The following LRP5 variants were observed in gnomAD, a reference collection of about 807,000 sequenced individuals.
LRP5 encodes the protein low-density lipoprotein receptor-related protein 5.
A neutral mutation model predicts 154.1 loss-of-function variants in LRP5; 62 were observed. That is an observed-to-expected ratio of 0.40 (90% CI 0.33 to 0.50). The LOEUF is 0.50. Among genes scored for constraint, LRP5 ranks in the 20% least tolerant of loss-of-function variants. The pLI is 0.55. For synonymous variants in LRP5, 966 were observed against 1,011.5 expected (o/e 0.96, Z 0.85); for missense variants, 1,915 against 2,336.7 (o/e 0.82, Z 3.72).
At chr11:68,448,385 G>C (rs1461614375) in intron 22 of LRP5, among the ~76,000 whole-genome samples, 1 of 152,216 alleles carries the variant, frequency 6.6e-6, no homozygotes, top group Non-Finnish European at 1.5e-5. Flanking sequence ...TGTTTTGTCG[G>C]ACACTGTTTC....
chr11:68,312,820 G>T lies in LRP5; in HGVS notation c.91+15G>T, dbSNP rs2098589440. On this transcript the variant is annotated intron_variant, in intron 1 of 22. Coordinates refer to ENST00000294304, the MANE Select transcript of LRP5 (RefSeq NM_002335.4). ...CCCCGCCGCGGGTAGGTGGGCGCAG[G>T]CCGGCCGGGGGCCGCGGGTTGCTCG... is the stretch of plus-strand genomic sequence containing the variant. The T allele has an allele frequency of 1.9e-6, 2 of 1,035,202 alleles. No individual in the cohort carries two copies. Among genetic ancestry groups the T allele is most frequent in the Middle Eastern group, 4.6e-4 (1 of 2,158 alleles). 64.1% of individuals were successfully genotyped at this position (1,035,202 alleles called of 1,614,324 possible).
upstream of LRP5, among the ~76,000 whole-genome samples, chr11:68,309,363 G>A (rs2098586275): frequency 2.6e-5 from 4 of 152,126 alleles, no homozygotes; most frequent in South Asian, 8.3e-4. Flanking sequence ...CTCCCGAGTA[G>A]CTGGGATTAC....
chr11:68,428,364 A>T (rs1488402018), intron 16 of LRP5, among the ~76,000 whole-genome samples: 1 of 152,130 alleles, frequency 6.6e-6, no homozygotes, highest in African/African-American at 2.4e-5. Context: ...CACAAACTGG[A>T]TGGCTTAAAG....
At chr11:68,383,295 T>C (rs998505615) in intron 5 of LRP5, among the ~76,000 whole-genome samples, 9 of 152,198 alleles carry the variant, frequency 5.9e-5, no homozygotes, top group Admixed American at 2.0e-4. Flanking sequence ...GGGGCCATGA[T>C]GGACACACTG....
chr11:68,299,567 T>C, the LRP5 span, among the ~76,000 whole-genome samples: 1 of 143,714 alleles, frequency 7.0e-6, no homozygotes, highest in South Asian at 2.2e-4. Flanking sequence ...GAGGAAGAGC[T>C]GAAGGGGAAG....
chr11:68,384,472 CTG>C (rs1189503496), intron 5 of LRP5, among the ~76,000 whole-genome samples: 3 of 152,176 alleles, frequency 2.0e-5, no homozygotes, highest in African/African-American at 7.2e-5. Flanking sequence ...CTTCTTGGCT[CTG>C]TGCATCCTTG....
intron 1 of LRP5, among the ~76,000 whole-genome samples, chr11:68,342,717 G>A (rs900537345): frequency 2.6e-5 from 4 of 152,330 alleles, no homozygotes; most frequent in Middle Eastern, 3.4e-3. Context: ...GGGGCCTGCC[G>A]CTCCTGCCCG....
At chr11:68,310,108 G>C (rs2098586853), upstream of LRP5, among the ~76,000 whole-genome samples, 1 of 152,218 alleles carries the variant, frequency 6.6e-6, no homozygotes, top group Non-Finnish European at 1.5e-5. Flanking sequence ...GAGTCAGGTG[G>C]TGATGAGTAC....
chr11:68,375,672 G>A (rs756685222), intron 5 of LRP5, among the ~76,000 whole-genome samples: 32 of 152,212 alleles, frequency 2.1e-4, no homozygotes, highest in Non-Finnish European at 2.6e-4. Context: ...GGGAGAGTTC[G>A]GTAACACCTT....
chr11:68,363,134 C>A (rs916592521), intron 3 of LRP5, among the ~76,000 whole-genome samples: 3 of 152,232 alleles, frequency 2.0e-5, no homozygotes, highest in African/African-American at 7.2e-5. Flanking sequence ...AGCGAGTGCA[C>A]ATGGCCTGAT....
rs149275252 is a variant in LRP5, at chr11:68,436,931, G to A, written c.4043G>A (p.Cys1348Tyr). The change falls in exon 19 of 23, where the codon TGT (cysteine) becomes TAT (tyrosine). Residue 1348 changes from cysteine to tyrosine, a missense_variant. Coordinates refer to ENST00000294304, the MANE Select transcript of LRP5 (RefSeq NM_002335.4). Reference sequence around the variant, plus strand: ...CAGTTCCGGTGTGCGAGCGGCCAGTGTGTCCTCATCAAACAGCAGTGCGAC... The same window carrying A: ...CAGTTCCGGTGTGCGAGCGGCCAGTATGTCCTCATCAAACAGCAGTGCGAC... ...PNQFRCASGQCVLIKQQCDSF... is the reference protein window; with the variant it reads ...PNQFRCASGQYVLIKQQCDSF... 2.5e-6 allele frequency: 4 copies of A among 1,613,972 alleles called. No individual in the cohort carries two copies. The highest frequency in any genetic ancestry group is 3.4e-6 in the Non-Finnish European group (4 of 1,179,982).
chr11:68,384,168 C>T (rs183361199), intron 5 of LRP5, among the ~76,000 whole-genome samples: 6 of 152,290 alleles, frequency 3.9e-5, no homozygotes, highest in Non-Finnish European at 8.8e-5. Context: ...GAGCAGGAGT[C>T]AGGAGGGGCT....
chr11:68,436,202 C>T (rs2098674790), intron 18 of LRP5, among the ~76,000 whole-genome samples: 2 of 152,238 alleles, frequency 1.3e-5, no homozygotes, highest in Non-Finnish European at 2.9e-5. Flanking sequence ...ACCAGAAAAT[C>T]ATCCCATCCA....
chr11:68,390,100 C>A (rs760076766), intron 7 of LRP5, 48 bp downstream of exon 7: 1 of 1,602,950 alleles, frequency 6.2e-7, no homozygotes, highest in Non-Finnish European at 8.5e-7. Flanking sequence ...GGCCCAGCCA[C>A]CCCCTGCAGC....
chr11:68,304,062 T>C, the LRP5 span, among the ~76,000 whole-genome samples: 4 of 152,078 alleles, frequency 2.6e-5, no homozygotes, highest in African/African-American at 9.7e-5. Context: ...ACTGAGACAA[T>C]AGGAAATAGG....
intron 5 of LRP5, among the ~76,000 whole-genome samples, chr11:68,370,902 A>C (rs528351759): frequency 6.6e-6 from 1 of 152,254 alleles, no homozygotes; most frequent in African/African-American, 2.4e-5. Context: ...AAGGGAGGAA[A>C]AAGCTCCTCA....
chr11:68,363,201 C>T (rs1360759417), intron 3 of LRP5, among the ~76,000 whole-genome samples: 1 of 152,236 alleles, frequency 6.6e-6, no homozygotes, highest in East Asian at 1.9e-4. Flanking sequence ...CCAGGCATGG[C>T]TTCCTCCTTT....
chr11:68,446,543 C>A lies in LRP5; in HGVS notation c.4586+10C>A. 1 of 1,606,924 alleles carries A rather than the reference C, an allele frequency of 6.2e-7. No homozygotes were observed. The highest frequency in any genetic ancestry group is 1.3e-5 in the African/African-American group (1 of 74,904). On this transcript the variant is annotated intron_variant, in intron 22 of 22. Coordinates refer to ENST00000294304, the MANE Select transcript of LRP5 (RefSeq NM_002335.4). ...CTGCGAGACCGTACAGGTAGGACAT[C>A]CCCTGCAGCCCTCCATGGCCATTGG...
chr11:68,322,894 A>G (rs535209564), intron 1 of LRP5, among the ~76,000 whole-genome samples: 90 of 152,356 alleles, frequency 5.9e-4, no homozygotes, highest in African/African-American at 2.1e-3. Context: ...GTGTACCCCA[A>G]AGGGACTTGA....
Sources: gnomAD v4.1 joint callset for allele counts (sites outside exome capture counted in the v4.1 genomes callset) on GRCh38, gnomAD v4.1.1 for gene constraint, MANE v1.5 for transcripts, NCBI Gene and HGNC (gene_info 2026-07-23, HGNC 2026-07-21) for gene names.